Variants in CSMD3 observed in about 807,000 individuals in gnomAD.
CSMD3 encodes CUB and Sushi multiple domains 3.
Under a neutral mutation model 435.2 loss-of-function variants are expected in CSMD3, and 177 were observed. The ratio of observed to expected loss-of-function variants is 0.41; its 90% CI spans 0.36 to 0.46. CSMD3 has a LOEUF of 0.46. CSMD3 is among the 20% of genes least tolerant of loss of function. CSMD3 has a pLI of 0.34. For missense variants in CSMD3, 4,265 were observed against 4,504.6 expected (o/e 0.95, Z 1.52); for synonymous variants, 1,656 against 1,520.5 (o/e 1.09, Z -2.07).
Position 113,365,073 on chromosome 8 carries a change from T to A in CSMD3, c.179-50280A>T, listed in dbSNP as rs892363658. On this transcript the variant is annotated intron_variant, in intron 1 of 70. Coordinates refer to ENST00000297405, the MANE Select transcript of CSMD3 (RefSeq NM_198123.2). ...TTCTGTAGAATACATTTATGTGAAA[T>A]GTTGAACTATAACAATGCCCAAGGC... Among the ~76,000 whole-genome samples the A allele has an allele frequency of 3.0e-4, 45 of 152,212 alleles. 1 individual carries two copies. Among genetic ancestry groups the A allele is most frequent in the African/African-American group, 1.1e-3 (45 of 41,570 alleles).
At chr8:112,510,581 G>T (rs994426711) in intron 28 of CSMD3, among the ~76,000 whole-genome samples, 3 of 152,046 alleles carry the variant, frequency 2.0e-5, no homozygotes, top group Non-Finnish European at 4.4e-5. Flanking sequence ...AAACCATTAT[G>T]GTATCCATAG....
Position 113,317,962 on chromosome 8 carries a change from T to C in CSMD3, c.179-3169A>G, listed in dbSNP as rs554454622. Among the ~76,000 whole-genome samples the C allele has an allele frequency of 1.7e-4, 26 of 152,290 alleles. No individual in the cohort carries two copies. In the South Asian group the frequency reaches 4.8e-3, roughly 28 times the overall value. On this transcript the variant is annotated intron_variant, in intron 1 of 70. Coordinates refer to ENST00000297405, the MANE Select transcript of CSMD3 (RefSeq NM_198123.2). ...AGCATATAGTACGCCTATAGTATAA[T>C]TTATTTTACCATTCTCCTAATGATA... is the stretch of plus-strand genomic sequence containing the variant.
At chr8:113,049,835 G>A (rs867979715) in intron 5 of CSMD3, among the ~76,000 whole-genome samples, 1 of 152,042 alleles carries the variant, frequency 6.6e-6, no homozygotes, top group African/African-American at 2.4e-5. Context: ...GATTACATGG[G>A]TGTATGCTAT....
intron 7 of CSMD3, among the ~76,000 whole-genome samples, chr8:112,958,446 C>A (rs1258416602): frequency 6.6e-6 from 1 of 152,008 alleles, no homozygotes; most frequent in East Asian, 1.9e-4. Context: ...TAGTTGTAAG[C>A]CCTGGACACT....
intron 68 of CSMD3, among the ~76,000 whole-genome samples, chr8:112,234,072 T>C (rs1034325925): frequency 1.3e-5 from 2 of 151,054 alleles, no homozygotes; most frequent in African/African-American, 4.9e-5. Flanking sequence ...AAAAACTAAA[T>C]GCAGATCAGC....
chr8:113,255,411 T>C (rs2093371415), intron 3 of CSMD3, among the ~76,000 whole-genome samples: 1 of 152,100 alleles, frequency 6.6e-6, no homozygotes, highest in South Asian at 2.1e-4. Flanking sequence ...TCTGATGATA[T>C]TTCTATAAGC....
intron 57 of CSMD3, among the ~76,000 whole-genome samples, chr8:112,287,621 C>T (rs1296205908): frequency 6.6e-6 from 1 of 152,152 alleles, no homozygotes; most frequent in Non-Finnish European, 1.5e-5. Context: ...CTGAATTCTG[C>T]AATTTGCATG....
chr8:113,261,198 G>A (rs1522061), intron 3 of CSMD3, among the ~76,000 whole-genome samples: 56,370 of 151,782 alleles, frequency 0.37, 11,361 homozygotes, highest in African/African-American at 0.54. Flanking sequence ...ATGAAACATG[G>A]TATTTAATTA....
intron 35 of CSMD3, among the ~76,000 whole-genome samples, chr8:112,394,352 T>C (rs544339030): frequency 1.6e-3 from 238 of 152,146 alleles, no homozygotes; most frequent in African/African-American, 5.3e-3. Flanking sequence ...ATCAGTCATA[T>C]TGGTTCTACT....
chr8:112,294,090 G>C (rs563712465), intron 54 of CSMD3, among the ~76,000 whole-genome samples: 8 of 151,804 alleles, frequency 5.3e-5, no homozygotes, highest in Admixed American at 3.3e-4. Flanking sequence ...AATTTGCTTG[G>C]GGGGGGTGTA....
chr8:112,373,023 T>TA (rs1563856821), intron 38 of CSMD3, among the ~76,000 whole-genome samples: 1,637 of 49,164 alleles, frequency 0.033, 14 homozygotes, highest in Non-Finnish European at 0.049. Context: ...TATATATATA[T>TA]TTTTTTTCTC....
In CSMD3 at chr8:112,223,158, G is replaced by A. The variant is rs1407682804; in HGVS notation, c.*1613C>T. 2.5e-6 allele frequency: 1 copy of A among 397,556 alleles called. No homozygotes were observed. Among genetic ancestry groups the A allele is most frequent in the Non-Finnish European group, 4.4e-6 (1 of 225,222 alleles). The allele number at this position is 397,556 out of a possible 1,614,324, so 24.6% of individuals were successfully genotyped here. A position where few individuals can be genotyped will look rare whatever the true frequency, so the allele number is the denominator to read the frequency against. On this transcript the variant is annotated 3_prime_UTR_variant, in exon 71 of 71. Coordinates refer to ENST00000297405, the MANE Select transcript of CSMD3 (RefSeq NM_198123.2). ...TTATTGCAGTCATTTGAATAAACAA[G>A]AATAAATAACTGATGGCATAAAATT...
chr8:112,857,550 T>A (rs2129825120), intron 11 of CSMD3, among the ~76,000 whole-genome samples: 1 of 151,902 alleles, frequency 6.6e-6, no homozygotes, highest in South Asian at 2.1e-4. Flanking sequence ...TTATAATGAA[T>A]TTGCTTCATG....
chr8:113,098,991 G>T (rs754719197), intron 4 of CSMD3, 28 bp from the exon 5 acceptor site: 9 of 1,400,798 alleles, frequency 6.4e-6, no homozygotes, highest in Non-Finnish European at 9.1e-6. Flanking sequence ...ATATTCAGTT[G>T]TAAGTTATTG....
At chr8:112,848,810 T>A (rs1176350631) in intron 11 of CSMD3, among the ~76,000 whole-genome samples, 1 of 152,024 alleles carries the variant, frequency 6.6e-6, no homozygotes, top group African/African-American at 2.4e-5. Context: ...CATGTCTTAT[T>A]CCACAAAAGA....
intron 22 of CSMD3, among the ~76,000 whole-genome samples, chr8:112,617,965 A>G (rs1833787061): frequency 6.6e-6 from 1 of 152,058 alleles, no homozygotes. Context: ...TCCTTTATGT[A>G]CCTCTTTGCA....
intron 56 of CSMD3, among the ~76,000 whole-genome samples, chr8:112,290,302 A>G (rs1402134277): frequency 6.6e-6 from 1 of 151,994 alleles, no homozygotes; most frequent in Non-Finnish European, 1.5e-5. Context: ...AACTTAATAA[A>G]ACCTTTCAGT....
intron 22 of CSMD3, among the ~76,000 whole-genome samples, chr8:112,604,736 A>C (rs1485375792): frequency 6.6e-6 from 1 of 152,202 alleles, no homozygotes; most frequent in Non-Finnish European, 1.5e-5. Flanking sequence ...CAAAGGTTTC[A>C]TAATGAAGAT....
At chr8:112,772,449 G>A (rs565887946) in intron 13 of CSMD3, among the ~76,000 whole-genome samples, 47 of 150,402 alleles carry the variant, frequency 3.1e-4, no homozygotes, top group Non-Finnish European at 4.9e-4. Flanking sequence ...TCTCAAGTAC[G>A]CAGAGACACA....
Sources: gnomAD v4.1 joint callset for allele counts (sites outside exome capture counted in the v4.1 genomes callset) on GRCh38, gnomAD v4.1.1 for gene constraint, MANE v1.5 for transcripts, NCBI Gene and HGNC (gene_info 2026-07-23, HGNC 2026-07-21) for gene names.